Variants in GPR19 observed in about 807,000 individuals in gnomAD.
GPR19 encodes the protein G protein-coupled receptor 19, also known as probable G protein-coupled receptor 19.
A neutral mutation model predicts 28.5 loss-of-function variants in GPR19; 14 were observed. The observed-to-expected ratio is 0.49, with a 90% confidence interval of 0.32 to 0.77. GPR19 has a LOEUF of 0.77. Ranked by LOEUF, GPR19 falls within the 30% of genes least tolerant of loss-of-function variation. GPR19 has a pLI of 0.03. For missense variants in GPR19, 409 were observed against 504.1 expected (o/e 0.81, Z 1.81); for synonymous variants, 173 against 184.1 (o/e 0.94, Z 0.49).
chr12:12,703,969 A>G, the GPR19 span, among the ~76,000 whole-genome samples: 1 of 152,180 alleles, frequency 6.6e-6, no homozygotes, highest in East Asian at 1.9e-4. Flanking sequence ...GACTAAATAG[A>G]TTTATATCTG....
Position 12,661,970 on chromosome 12 carries a change from C to T in GPR19, c.479G>A (p.Cys160Tyr). The change falls in exon 4 of 4, where the codon TGC (cysteine) becomes TAC (tyrosine). Residue 160 changes from cysteine to tyrosine, a missense_variant. Coordinates refer to ENST00000651487, the MANE Select transcript of GPR19 (RefSeq NM_006143.3). The surrounding 1 kb of genome is among the most constrained non-coding windows in gnomAD (Gnocchi z 4.2). ...GACGATGGTGTAGAACCGGTCTATG[C>T]AGATGGAGAGGAGAACGTAGATCTG... is the stretch of plus-strand genomic sequence containing the variant. ...GVQIYVLLSI[C>Y]IDRFYTIVYP... The T allele has an allele frequency of 1.2e-6, 2 of 1,613,782 alleles. No individual in the cohort carries two copies. The highest frequency in any genetic ancestry group is 4.5e-5 in the East Asian group (2 of 44,844).
upstream of GPR19, among the ~76,000 whole-genome samples, chr12:12,697,375 CAAAAA>C (rs3214421): frequency 5.0e-4 from 76 of 151,000 alleles, 3 homozygotes; most frequent in East Asian, 8.9e-3. Flanking sequence ...CGTTTGAAAA[CAAAAA>C]AAAAGGCAGG....
the GPR19 span, chr12:12,716,860 G>A: frequency 1.0e-6 from 1 of 984,498 alleles, no homozygotes; most frequent in Non-Finnish European, 1.2e-6. Context: ...AGCCCCCCCA[G>A]CAAACGCTCC....
chr12:12,712,503 G>A, the GPR19 span, among the ~76,000 whole-genome samples: 1 of 152,148 alleles, frequency 6.6e-6, no homozygotes, highest in East Asian at 1.9e-4. Flanking sequence ...GCCAACCACT[G>A]TCTGATCCCA....
the GPR19 span, among the ~76,000 whole-genome samples, chr12:12,708,904 G>T: frequency 2.0e-5 from 3 of 152,150 alleles, no homozygotes; most frequent in Non-Finnish European, 4.4e-5. Context: ...AAAATTAGCT[G>T]GGCGTGGTGG....
At chr12:12,681,307 G>A (rs998901301) in intron 3 of GPR19, among the ~76,000 whole-genome samples, 12 of 152,272 alleles carry the variant, frequency 7.9e-5, no homozygotes, top group East Asian at 3.9e-4. Flanking sequence ...TGTTGTGTCC[G>A]AAAGGCAGGA....
chr12:12,716,792 ACCATTGC>A, the GPR19 span: 1 of 985,236 alleles, frequency 1.0e-6, no homozygotes, highest in Non-Finnish European at 1.2e-6. Context: ...GGCTGAGCGA[ACCATTGC>A]CCACTGCCTC....
At position 12,669,666 on chromosome 12, in the gene GPR19, C is replaced by T. The variant is rs183551984; in HGVS notation, c.-22-7196G>A. On this transcript the variant is annotated intron_variant, in intron 3 of 3. Transcript: ENST00000651487. ...AGCCATGGTAGGAGTATGGCAAACA[C>T]CAAAAATTGAAGTTTTGTTTTTTTC... Among the ~76,000 whole-genome samples the T allele has an allele frequency of 1.2e-4, 18 of 152,256 alleles. No individual in the cohort carries two copies. In the East Asian group the frequency reaches 1.5e-3, roughly 13 times the overall value.
chr12:12,707,989 C>CTTTTTTT, the GPR19 span, among the ~76,000 whole-genome samples: 462 of 62,460 alleles, frequency 7.4e-3, 85 homozygotes, highest in East Asian at 0.014. Flanking sequence ...ATTTCCTATT[C>CTTTTTTT]TTTTTTTTTT....
chr12:12,678,677 A>G (rs1054210461), intron 3 of GPR19, among the ~76,000 whole-genome samples: 1 of 152,260 alleles, frequency 6.6e-6, no homozygotes, highest in African/African-American at 2.4e-5. Context: ...CTTTGGATAT[A>G]GAACAAAATA....
the GPR19 span, among the ~76,000 whole-genome samples, chr12:12,706,148 A>G: frequency 6.6e-6 from 1 of 152,268 alleles, no homozygotes. Flanking sequence ...AGGCTTTCAC[A>G]TCTTTACCAA....
Position 12,661,938 on chromosome 12 carries a change from G to C in GPR19, c.511C>G (p.Leu171Val). ...IDRFYTIVYP[L>V]SFKVSREKAK... ...TTTTCTCTGGACACCTTGAAGCTCA[G>C]AGGATAGACGATGGTGTAGAACCGG... The change falls in exon 4 of 4, where the codon CTG becomes GTG. Residue 171 changes from leucine to valine, a missense_variant. Physicochemically the swap from Leu to Val is conservative, Grantham distance 32. Coordinates refer to ENST00000651487, the MANE Select transcript of GPR19 (RefSeq NM_006143.3). This position sits in a 1 kb window ranked among gnomAD's most constrained non-coding sequence, Gnocchi z 4.2. 1 of 1,614,264 alleles carries C rather than the reference G, an allele frequency of 6.2e-7. No individual in the cohort carries two copies. The highest frequency in any genetic ancestry group is 8.5e-7 in the Non-Finnish European group (1 of 1,180,048).
the GPR19 span, chr12:12,716,617 T>TG: frequency 2.7e-6 from 1 of 366,464 alleles, no homozygotes; most frequent in African/African-American, 2.2e-5. Context: ...TTTTTTGTTT[T>TG]TTTTTTTTAA....
At chr12:12,679,306 A>G (rs990211335) in intron 3 of GPR19, among the ~76,000 whole-genome samples, 4 of 151,690 alleles carry the variant, frequency 2.6e-5, no homozygotes, top group Admixed American at 6.6e-5. Context: ...ACATTCTACA[A>G]TGGTTTGGGC....
At chr12:12,707,405 G>T in the GPR19 span, among the ~76,000 whole-genome samples, 1 of 152,230 alleles carries the variant, frequency 6.6e-6, no homozygotes. Context: ...TCTGTTTCAT[G>T]ACAGCAGGGA....
chr12:12,690,606 G>A (rs1330843345), intron 2 of GPR19, among the ~76,000 whole-genome samples: 1 of 152,218 alleles, frequency 6.6e-6, no homozygotes, highest in African/African-American at 2.4e-5. Context: ...AGATCAACTA[G>A]TTCTGCTTGT....
At chr12:12,699,529 G>T (rs1387747891), upstream of GPR19, among the ~76,000 whole-genome samples, 2 of 151,810 alleles carry the variant, frequency 1.3e-5, no homozygotes, top group African/African-American at 4.8e-5. Context: ...CATGCCTATA[G>T]TCCCAGCTAC....
At chr12:12,680,570 G>A (rs1005486565) in intron 3 of GPR19, among the ~76,000 whole-genome samples, 10 of 151,498 alleles carry the variant, frequency 6.6e-5, no homozygotes, top group Non-Finnish European at 8.8e-5. Flanking sequence ...GCAGTGGAGT[G>A]ATCACCGCTC....
chr12:12,698,186 T>G (rs2136341552), upstream of GPR19, among the ~76,000 whole-genome samples: 2 of 152,332 alleles, frequency 1.3e-5, no homozygotes, highest in Middle Eastern at 6.8e-3. Flanking sequence ...ATGAAAATTA[T>G]AGTGTAAGAA....
Sources: allele counts gnomAD v4.1 joint callset (sites outside exome capture counted in the v4.1 genomes callset), GRCh38; gene constraint gnomAD v4.1.1; non-coding constraint Gnocchi (gnomAD v3.1); transcripts MANE v1.5; gene names NCBI Gene and HGNC (gene_info 2026-07-23, HGNC 2026-07-21).